Variants in SLC35F1 observed in about 807,000 individuals in gnomAD.
The protein encoded by SLC35F1 is chromosome 6 open reading frame 169.
Under a neutral mutation model 48.7 loss-of-function variants are expected in SLC35F1, and 14 were observed. The observed-to-expected ratio is 0.29, with a 90% CI of 0.19 to 0.45. The LOEUF is 0.45. Among genes scored for constraint, SLC35F1 ranks in the 20% least tolerant of loss-of-function variants. The probability of loss-of-function intolerance (pLI) is 1.00; values close to 1 mark genes in which losing one functional copy is unlikely to be tolerated. For synonymous variants in SLC35F1, 190 were observed against 202.2 expected (o/e 0.94, Z 0.51); for missense variants, 404 against 500.0 (o/e 0.81, Z 1.83).
In SLC35F1 at chr6:117,908,234, C is replaced by T. The variant is rs573117439; in HGVS notation, c.173+335C>T. Among the ~76,000 whole-genome samples, 4 of 152,292 alleles carry T rather than the reference C, an allele frequency of 2.6e-5. No individual in the cohort carries two copies. The South Asian group carries it at 8.3e-4, about 32-fold the overall frequency. On this transcript the variant is annotated intron_variant, in intron 1 of 7. Coordinates refer to ENST00000360388, the MANE Select transcript of SLC35F1 (RefSeq NM_001029858.4). The stretch of plus-strand genomic sequence containing the variant: ...CTCACTTCCCTTTCCCTCTCGCACC[C>T]CGGCTTTGCGATCGGGGGTCGGGGG...
chr6:118,201,167 G>A (rs1774869511), intron 2 of SLC35F1, among the ~76,000 whole-genome samples: 1 of 152,144 alleles, frequency 6.6e-6, no homozygotes, highest in South Asian at 2.1e-4. Context: ...ATTGGCAGAG[G>A]GGGTGAAATG....
At chr6:117,935,518 A>G (rs999809810) in intron 1 of SLC35F1, among the ~76,000 whole-genome samples, 2 of 152,242 alleles carry the variant, frequency 1.3e-5, no homozygotes, top group African/African-American at 4.8e-5. Flanking sequence ...ATTGAGCCAC[A>G]GTCATCAGCA....
chr6:118,133,294 T>C (rs1341828325), intron 1 of SLC35F1, among the ~76,000 whole-genome samples: 9 of 152,024 alleles, frequency 5.9e-5, no homozygotes, highest in Non-Finnish European at 2.9e-5. Context: ...CAGGTGCAAA[T>C]GCATGTAATC....
intron 2 of SLC35F1, among the ~76,000 whole-genome samples, chr6:118,180,143 C>T (rs1774552474): frequency 6.6e-6 from 1 of 152,124 alleles, no homozygotes; most frequent in Non-Finnish European, 1.5e-5. Flanking sequence ...GGCTAGAAAG[C>T]ATATTATCTG....
chr6:118,156,670 AAAAT>A (rs150111898), intron 2 of SLC35F1, among the ~76,000 whole-genome samples: 35,961 of 80,674 alleles, frequency 0.45, 4,680 homozygotes, highest in Admixed American at 0.55. Flanking sequence ...AGTATAATAA[AAAAT>A]AAAATAAAAT....
intron 1 of SLC35F1, among the ~76,000 whole-genome samples, chr6:118,002,844 T>G (rs920310503): frequency 2.6e-5 from 4 of 151,944 alleles, no homozygotes; most frequent in African/African-American, 9.7e-5. Flanking sequence ...ACATTATTTT[T>G]GAGAATTAAA....
In SLC35F1 at chr6:118,039,832, G is replaced by A. The variant is rs567303243; in HGVS notation, c.174-114613G>A. Among the ~76,000 whole-genome samples the A allele has an allele frequency of 6.7e-5, 7 of 105,086 alleles. No homozygotes were observed. In the East Asian group the frequency reaches 2.0e-3, roughly 30 times the overall value. 68.9% of individuals were successfully genotyped at this position (105,086 alleles called of 152,430 possible). A position where few individuals can be genotyped will look rare whatever the true frequency, so the allele number is the denominator to read the frequency against. The stretch of plus-strand genomic sequence containing the variant: ...TGTTTTTTTTTTTTGCTTCAGACTG[G>A]CTTACTTATTTCTACTTCTTTGTAT... On this transcript the variant is annotated intron_variant, in intron 1 of 7. Transcript: ENST00000360388.
intron 1 of SLC35F1, among the ~76,000 whole-genome samples, chr6:118,135,507 C>A (rs17334702): frequency 0.023 from 3,512 of 152,238 alleles, 61 homozygotes; most frequent in Middle Eastern, 0.034. Flanking sequence ...TGCCGGGTAC[C>A]AGCCATCTGT....
chr6:117,961,053 TG>T (rs1776491326), intron 1 of SLC35F1, among the ~76,000 whole-genome samples: 1 of 152,104 alleles, frequency 6.6e-6, no homozygotes, highest in African/African-American at 2.4e-5. Flanking sequence ...TTTAAAAAAA[TG>T]GAATGGAAAT....
chr6:118,016,902 C>G (rs9398474), intron 1 of SLC35F1, among the ~76,000 whole-genome samples: 96,945 of 152,086 alleles, frequency 0.64, 32,946 homozygotes, highest in South Asian at 0.81. Context: ...TTTCTACCAC[C>G]CTCGACATCA....
chr6:118,288,199 A>G (rs1776074629), intron 7 of SLC35F1, among the ~76,000 whole-genome samples: 1 of 152,202 alleles, frequency 6.6e-6, no homozygotes, highest in African/African-American at 2.4e-5. Context: ...AAGAAATAAT[A>G]GAGAAAGCCC....
chr6:117,941,976 A>C (rs1776239126), intron 1 of SLC35F1, among the ~76,000 whole-genome samples: 1 of 152,222 alleles, frequency 6.6e-6, no homozygotes, highest in South Asian at 2.1e-4. Context: ...ATTTGAATAC[A>C]TCTGTGTGCC....
chr6:118,084,580 A>G (rs138264584), intron 1 of SLC35F1, among the ~76,000 whole-genome samples: 3 of 152,252 alleles, frequency 2.0e-5, no homozygotes, highest in East Asian at 1.9e-4. Context: ...AATACCTACT[A>G]GAAGGTACAG....
chr6:118,266,186 A>G (rs1172907157), intron 3 of SLC35F1, among the ~76,000 whole-genome samples: 1 of 152,190 alleles, frequency 6.6e-6, no homozygotes. Flanking sequence ...ACTCAAATTC[A>G]GGTCTTCTGG....
At chr6:118,046,962 T>TAA (rs11405413) in intron 1 of SLC35F1, among the ~76,000 whole-genome samples, 39 of 152,040 alleles carry the variant, frequency 2.6e-4, no homozygotes, top group African/African-American at 7.2e-4. Context: ...TTTTGAGATA[T>TAA]AAAAAAATCA....
intron 2 of SLC35F1, among the ~76,000 whole-genome samples, chr6:118,172,808 T>G (rs891741225): frequency 3.3e-5 from 5 of 152,168 alleles, no homozygotes; most frequent in African/African-American, 9.7e-5. Flanking sequence ...TGTATGTGAC[T>G]TTTTTAGGGC....
chr6:118,229,771 C>T (rs1281364327), intron 2 of SLC35F1, among the ~76,000 whole-genome samples: 1 of 152,142 alleles, frequency 6.6e-6, no homozygotes, highest in Non-Finnish European at 1.5e-5. Context: ...AGTGGACACT[C>T]TCTGACACAT....
intron 1 of SLC35F1, among the ~76,000 whole-genome samples, chr6:117,908,781 G>A (rs1775728288): frequency 6.6e-6 from 1 of 152,228 alleles, no homozygotes; most frequent in South Asian, 2.1e-4. Context: ...TTAAAAAATT[G>A]TATAGGGAAT....
At chr6:118,182,451 C>G (rs554021762) in intron 2 of SLC35F1, among the ~76,000 whole-genome samples, 2 of 147,524 alleles carry the variant, frequency 1.4e-5, no homozygotes, top group African/African-American at 2.5e-5. Context: ...GTGTTCACAC[C>G]GCTGCACTCC....
Sources: gnomAD v4.1 joint callset for allele counts (sites outside exome capture counted in the v4.1 genomes callset) on GRCh38, gnomAD v4.1.1 for gene constraint, MANE v1.5 for transcripts, NCBI Gene and HGNC (gene_info 2026-07-23, HGNC 2026-07-21) for gene names.